VSNL1: variants seen among roughly 807,000 people sequenced by gnomAD.
The protein encoded by VSNL1 is visinin like 1.
In VSNL1, 6 loss-of-function variants were observed where a neutral mutation model predicts 20.4. The ratio of observed to expected loss-of-function variants is 0.29; its 90% confidence interval spans 0.16 to 0.58. The LOEUF (loss-of-function observed/expected upper bound fraction) is 0.58, where lower values mean the gene tolerates loss of function less well. Ranked by LOEUF, VSNL1 falls within the 20% of genes least tolerant of loss-of-function variation. The pLI is 0.90. For missense variants in VSNL1, 100 were observed against 234.5 expected (o/e 0.43, Z 3.75); for synonymous variants, 93 against 86.4 (o/e 1.08, Z -0.42).
At chr2:17,593,908 C>T (rs1248415814) in intron 2 of VSNL1, among the ~76,000 whole-genome samples, 1 of 152,174 alleles carries the variant, frequency 6.6e-6, no homozygotes, top group Non-Finnish European at 1.5e-5. Flanking sequence ...CTATTCTCAA[C>T]CACAAAGAAA....
chr2:17,564,139 C>T (rs1428407809), intron 1 of VSNL1, among the ~76,000 whole-genome samples: 3 of 152,112 alleles, frequency 2.0e-5, no homozygotes, highest in Non-Finnish European at 2.9e-5. Flanking sequence ...ACAAGGCTTT[C>T]TTTTATTTGT....
At chr2:17,612,051 C>A (rs1446873448) in intron 2 of VSNL1, among the ~76,000 whole-genome samples, 1 of 146,594 alleles carries the variant, frequency 6.8e-6, no homozygotes, top group Non-Finnish European at 1.5e-5. Context: ...AAACCATGTT[C>A]TTCATGCACT....
At chr2:17,589,670 T>C (rs12623114) in intron 1 of VSNL1, among the ~76,000 whole-genome samples, 36,567 of 152,142 alleles carry the variant, frequency 0.24, 5,749 homozygotes, top group Middle Eastern at 0.49. Flanking sequence ...ATTTCCTGTG[T>C]GTGTAAGAGA....
At chr2:17,647,809 G>A (rs989968686) in intron 2 of VSNL1, among the ~76,000 whole-genome samples, 5 of 152,020 alleles carry the variant, frequency 3.3e-5, no homozygotes, top group East Asian at 1.9e-4. Context: ...GTGCAGTCTC[G>A]GAACACAGAG....
intron 2 of VSNL1, among the ~76,000 whole-genome samples, chr2:17,632,785 A>ATTC: frequency 1.3e-5 from 2 of 152,260 alleles, no homozygotes; most frequent in Admixed American, 1.3e-4. Context: ...TACATTGAAT[A>ATTC]AATCACCCTT....
rs2103376143 is a variant in VSNL1 at position 17,592,206 on chromosome 2, T to C, written c.132T>C (p.Asn44=). The change falls in exon 2 of 4, where the codon AAT becomes AAC. Residue 44 remains asparagine (N), a synonymous_variant. Transcript: ENST00000295156. The part of the protein sequence containing the change: ...FLKDCPSGRL[N]LEEFQQLYVK... ...AGGACTGTCCAAGTGGGAGGCTAAA[T>C]CTCGAGGAATTTCAGCAGCTCTATG... 6.2e-7 allele frequency: 1 copy of C among 1,613,736 alleles called. No individual in the cohort carries two copies. Among genetic ancestry groups the C allele is most frequent in the Non-Finnish European group, 8.5e-7 (1 of 1,179,752 alleles).
chr2:17,624,628 T>G (rs934312886), intron 2 of VSNL1, among the ~76,000 whole-genome samples: 7 of 152,076 alleles, frequency 4.6e-5, no homozygotes, highest in Non-Finnish European at 8.8e-5. Flanking sequence ...ACCACTGCTT[T>G]TGAAGAAGGA....
In VSNL1 at chr2:17,592,046, T is replaced by C. The variant is rs745744952; in HGVS notation, c.-5-24T>C. ...GAAATGATCACAGCCACAGCGCTAATTGAATTAATTTGCTTTTCTTCAGGC... is the reference window on the plus strand; with the variant it reads ...GAAATGATCACAGCCACAGCGCTAACTGAATTAATTTGCTTTTCTTCAGGC... On this transcript the variant is annotated intron_variant, in intron 1 of 3. Transcript: ENST00000295156. The C allele has an allele frequency of 2.5e-6, 4 of 1,613,188 alleles. No homozygotes were observed. The Admixed American group carries it at 6.7e-5, about 27-fold the overall frequency.
intron 1 of VSNL1, among the ~76,000 whole-genome samples, chr2:17,569,081 G>C (rs1664021889): frequency 6.6e-6 from 1 of 152,240 alleles, no homozygotes; most frequent in South Asian, 2.1e-4. Flanking sequence ...GCCGAAATGG[G>C]CAGATCACTG....
At chr2:17,619,319 G>C (rs1192575021) in intron 2 of VSNL1, among the ~76,000 whole-genome samples, 1 of 152,180 alleles carries the variant, frequency 6.6e-6, no homozygotes, top group Non-Finnish European at 1.5e-5. Context: ...TATAGGTAGA[G>C]AGCGGGCAAT....
rs1666207281 is a variant in VSNL1, at chr2:17,655,407, G to A, written c.*13G>A. On this transcript the variant is annotated 3_prime_UTR_variant, in exon 4 of 4. Transcript: ENST00000295156. This position sits in a 1 kb window ranked among gnomAD's most constrained non-coding sequence, Gnocchi z 5.2. Reference sequence around the variant, plus strand: ...CATCCAGAAATGAGCTGATGTCAATGCTATGGACTGCACAAAAGTCTCAAT... The same window carrying A: ...CATCCAGAAATGAGCTGATGTCAATACTATGGACTGCACAAAAGTCTCAAT... The A allele has an allele frequency of 2.5e-6, 4 of 1,582,466 alleles. No homozygotes were observed. The highest frequency in any genetic ancestry group is 2.7e-5 in the African/African-American group (2 of 73,748).
intron 2 of VSNL1, among the ~76,000 whole-genome samples, chr2:17,611,760 C>T (rs1665093571): frequency 6.6e-6 from 1 of 152,200 alleles, no homozygotes; most frequent in South Asian, 2.1e-4. Context: ...CCCCATGCCC[C>T]ACTGCTATAC....
intron 1 of VSNL1, among the ~76,000 whole-genome samples, chr2:17,541,869 A>T (rs1237155117): frequency 6.6e-6 from 1 of 152,168 alleles, no homozygotes; most frequent in Non-Finnish European, 1.5e-5. Context: ...GGAGAGGCTG[A>T]TGCTCCCTGC....
chr2:17,591,475 G>A (rs1035059901), intron 1 of VSNL1, among the ~76,000 whole-genome samples: 7 of 152,198 alleles, frequency 4.6e-5, no homozygotes. Flanking sequence ...AGACAATGTT[G>A]TACGAACTTT....
chr2:17,572,136 C>T (rs1188449556), intron 1 of VSNL1, among the ~76,000 whole-genome samples: 1 of 152,154 alleles, frequency 6.6e-6, no homozygotes, highest in African/African-American at 2.4e-5. Flanking sequence ...CACCTCCTTT[C>T]ACTCTCAAAG....
At chr2:17,627,991 A>G (rs897159386) in intron 2 of VSNL1, among the ~76,000 whole-genome samples, 7 of 152,268 alleles carry the variant, frequency 4.6e-5, no homozygotes, top group Non-Finnish European at 4.4e-5. Flanking sequence ...GGGGTCAGTT[A>G]GGTCTGATAT....
intron 1 of VSNL1, among the ~76,000 whole-genome samples, chr2:17,587,394 C>CAT (rs1553301053): frequency 0.011 from 1,542 of 144,550 alleles, 45 homozygotes; most frequent in African/African-American, 0.03. Context: ...CACACACACA[C>CAT]ATATATTTTG....
intron 2 of VSNL1, among the ~76,000 whole-genome samples, chr2:17,641,325 A>T (rs905092919): frequency 2.6e-5 from 4 of 152,386 alleles, no homozygotes; most frequent in Middle Eastern, 3.4e-3. Flanking sequence ...CAACCAAGCT[A>T]CTACCAAGCA....
chr2:17,640,619 A>C (rs2103421434), intron 2 of VSNL1, among the ~76,000 whole-genome samples: 1 of 152,336 alleles, frequency 6.6e-6, no homozygotes, highest in Middle Eastern at 3.4e-3. Context: ...TCCTCCAGAA[A>C]ACAGAAGCCC....
Sources: allele counts gnomAD v4.1 joint callset (sites outside exome capture counted in the v4.1 genomes callset), GRCh38; gene constraint gnomAD v4.1.1; non-coding constraint Gnocchi (gnomAD v3.1); transcripts MANE v1.5; gene names NCBI Gene and HGNC (gene_info 2026-07-23, HGNC 2026-07-21).